The following CSMD1 variants were observed in gnomAD, a reference collection of about 807,000 sequenced individuals.
The protein encoded by CSMD1 is CUB and sushi domain-containing protein 1.
Under a neutral mutation model 417.5 loss-of-function variants are expected in CSMD1, and 213 were observed. The ratio of observed to expected loss-of-function variants is 0.51; its 90% CI spans 0.46 to 0.57. The LOEUF (loss-of-function observed/expected upper bound fraction) is 0.57, where lower values mean the gene tolerates loss of function less well. Among genes scored for constraint, CSMD1 ranks in the 20% least tolerant of loss-of-function variants. The probability of loss-of-function intolerance (pLI) is 0.00; values close to 1 mark genes in which losing one functional copy is unlikely to be tolerated. For synonymous variants in CSMD1, 2,862 were observed against 1,736.8 expected (o/e 1.65, Z -16.11); for missense variants, 6,923 against 4,529.7 (o/e 1.53, Z -15.17).
At chr8:4,668,462 T>C (rs1318176145) in intron 1 of CSMD1, among the ~76,000 whole-genome samples, 8 of 144,972 alleles carry the variant, frequency 5.5e-5, no homozygotes, top group African/African-American at 7.6e-5. Context: ...ATTATTATTA[T>C]TATTTGAGAT....
At chr8:3,597,110 G>A (rs1247930005) in intron 8 of CSMD1, among the ~76,000 whole-genome samples, 1 of 152,276 alleles carries the variant, frequency 6.6e-6, no homozygotes, top group African/African-American at 2.4e-5. Context: ...AGCCTGCTGA[G>A]GCTCTGGCTT....
In CSMD1 at chr8:4,369,172, T is replaced by A. The variant is rs373141929; in HGVS notation, c.415+50781A>T. The stretch of plus-strand genomic sequence containing the variant: ...CTCCATTTTCACTGGTTTCAAAAAC[T>A]TTTTTTGATTTCTGACTTAATTTCA... On this transcript the variant is annotated intron_variant, in intron 3 of 69. Coordinates refer to ENST00000635120, the MANE Select transcript of CSMD1 (RefSeq NM_033225.6). Among the ~76,000 whole-genome samples, 165 of 152,226 alleles carry A rather than the reference T, an allele frequency of 1.1e-3. 2 individuals are homozygous for A. In the South Asian group the frequency reaches 0.033, roughly 31 times the overall value.
intron 1 of CSMD1, among the ~76,000 whole-genome samples, chr8:4,679,060 G>A (rs564970083): frequency 1.3e-5 from 2 of 152,272 alleles, no homozygotes; most frequent in South Asian, 4.1e-4. Flanking sequence ...AGTGAGGTTC[G>A]TGACTCTATT....
chr8:4,339,287 A>C (rs988781725), intron 3 of CSMD1, among the ~76,000 whole-genome samples: 1 of 152,142 alleles, frequency 6.6e-6, no homozygotes, highest in South Asian at 2.1e-4. Flanking sequence ...TAACTACTTC[A>C]AACCCTTTCA....
chr8:4,164,350 A>T (rs936619296), intron 3 of CSMD1, among the ~76,000 whole-genome samples: 2 of 152,200 alleles, frequency 1.3e-5, no homozygotes, highest in Non-Finnish European at 2.9e-5. Context: ...TTCATAAAAC[A>T]ACAGTCACAC....
chr8:4,719,598 G>C (rs570184521), intron 1 of CSMD1, among the ~76,000 whole-genome samples: 6 of 150,776 alleles, frequency 4.0e-5, no homozygotes, highest in South Asian at 4.2e-4. Flanking sequence ...TAGAACTTTG[G>C]GATGGTAAGG....
chr8:4,909,480 C>T (rs62488165), intron 1 of CSMD1, among the ~76,000 whole-genome samples: 1 of 152,130 alleles, frequency 6.6e-6, no homozygotes, highest in African/African-American at 2.4e-5. Flanking sequence ...CCCTGATAAC[C>T]TTCTAGCAGA....
intron 3 of CSMD1, among the ~76,000 whole-genome samples, chr8:4,373,736 A>G (rs1378718793): frequency 2.0e-5 from 3 of 152,176 alleles, no homozygotes; most frequent in Non-Finnish European, 4.4e-5. Flanking sequence ...CCGGGGAAGG[A>G]ACACTGTGCC....
At chr8:3,608,327 G>A (rs940020528) in intron 8 of CSMD1, among the ~76,000 whole-genome samples, 1 of 152,146 alleles carries the variant, frequency 6.6e-6, no homozygotes, top group Non-Finnish European at 1.5e-5. Flanking sequence ...GACATGAAGG[G>A]GGCCACATTG....
chr8:4,607,472 C>T (rs527664858), intron 2 of CSMD1, among the ~76,000 whole-genome samples: 33 of 152,184 alleles, frequency 2.2e-4, no homozygotes, highest in South Asian at 6.2e-4. Context: ...GGGCCTGATA[C>T]GACCCAGAAA....
rs34049081 is a variant in CSMD1 at position 4,680,973 on chromosome 8, T to TGAGAGA, written c.86-43416_86-43415insTCTCTC. The stretch of plus-strand genomic sequence containing the variant: ...TGATGTGTGTGTGTGTGTGTGTGTG[T>TGAGAGA]GTGAGAGAGAGAGAGAGAGAGAGAG... On this transcript the variant is annotated intron_variant, in intron 1 of 69. Transcript: ENST00000635120. 6.3e-4 allele frequency among the ~76,000 whole-genome samples: 88 copies of TGAGAGA among 138,698 alleles called. 1 individual carries two copies. The highest frequency in any genetic ancestry group is 1.3e-3 in the Admixed American group (18 of 13,720). The allele number at this position is 138,698 out of a possible 152,430, so 91.0% of individuals were successfully genotyped here.
chr8:3,890,523 G>A (rs1806896200), intron 5 of CSMD1, among the ~76,000 whole-genome samples: 1 of 151,892 alleles, frequency 6.6e-6, no homozygotes, highest in Non-Finnish European at 1.5e-5. Flanking sequence ...GGACTCGGTG[G>A]GGAACAAAAT....
chr8:4,914,614 A>T (rs1038424148), intron 1 of CSMD1, among the ~76,000 whole-genome samples: 3 of 151,820 alleles, frequency 2.0e-5, no homozygotes, highest in African/African-American at 7.3e-5. Context: ...TAGAAGATAG[A>T]AATATAACGG....
At chr8:3,617,076 G>A (rs565468476) in intron 7 of CSMD1, among the ~76,000 whole-genome samples, 1 of 152,142 alleles carries the variant, frequency 6.6e-6, no homozygotes, top group South Asian at 2.1e-4. Context: ...TGGTCCTTAT[G>A]ATTACTTTTA....
chr8:3,141,789 C>T (rs1585457680), intron 41 of CSMD1, among the ~76,000 whole-genome samples: 3 of 129,952 alleles, frequency 2.3e-5, no homozygotes, highest in Admixed American at 8.2e-5. Flanking sequence ...AGCCCCTGCC[C>T]GCCAAATTAT....
At chr8:4,428,204 C>T (rs1029977558) in intron 2 of CSMD1, among the ~76,000 whole-genome samples, 3 of 152,188 alleles carry the variant, frequency 2.0e-5, no homozygotes. Context: ...TTCACTTGTA[C>T]TGTGTCCACT....
At chr8:4,187,318 G>T (rs1049764254) in intron 3 of CSMD1, among the ~76,000 whole-genome samples, 1 of 152,228 alleles carries the variant, frequency 6.6e-6, no homozygotes, top group Non-Finnish European at 1.5e-5. Context: ...CAACCCACTA[G>T]GATGCAATGG....
chr8:4,641,549 G>A (rs138482628), intron 1 of CSMD1, among the ~76,000 whole-genome samples: 2 of 152,194 alleles, frequency 1.3e-5, no homozygotes, highest in African/African-American at 4.8e-5. Context: ...ATTTTTACAA[G>A]GATGGAAGAA....
intron 39 of CSMD1, among the ~76,000 whole-genome samples, chr8:3,156,080 C>A (rs1179282141): frequency 6.6e-6 from 1 of 152,168 alleles, no homozygotes; most frequent in Non-Finnish European, 1.5e-5. Context: ...CACACTACGC[C>A]GAAATGAATT....
Sources: gnomAD v4.1 joint callset for allele counts (sites outside exome capture counted in the v4.1 genomes callset) on GRCh38, gnomAD v4.1.1 for gene constraint, MANE v1.5 for transcripts, NCBI Gene and HGNC (gene_info 2026-07-23, HGNC 2026-07-21) for gene names.